Variants in UNC13C observed in about 807,000 individuals in gnomAD.
UNC13C encodes unc-13 homolog C, also known as protein unc-13 homolog C.
UNC13C carries 174 observed loss-of-function variants against 245.4 expected under a neutral mutation model. The ratio of observed to expected loss-of-function variants is 0.71; its 90% confidence interval spans 0.63 to 0.80. The LOEUF is 0.80. UNC13C is among the 30% of genes least tolerant of loss of function. UNC13C has a pLI of 0.00. For missense variants in UNC13C, 2,829 were observed against 2,602.9 expected (o/e 1.09, Z -1.89); for synonymous variants, 992 against 895.1 (o/e 1.11, Z -1.93).
At chr15:54,142,073 A>G (rs2032048632) in intron 2 of UNC13C, among the ~76,000 whole-genome samples, 1 of 152,202 alleles carries the variant, frequency 6.6e-6, no homozygotes, top group African/African-American at 2.4e-5. Flanking sequence ...AAGTTTCTCC[A>G]GTTTTATGCT....
chr15:54,331,873 C>T (rs1017567266), intron 14 of UNC13C, among the ~76,000 whole-genome samples, 170 bp from the exon 15 acceptor site: 4 of 151,982 alleles, frequency 2.6e-5, no homozygotes, highest in Non-Finnish European at 5.9e-5. Context: ...GTCAAAGAGA[C>T]CTGAGTTTGA....
intron 30 of UNC13C, among the ~76,000 whole-genome samples, chr15:54,603,796 G>C (rs1426791130): frequency 1.3e-5 from 2 of 152,168 alleles, no homozygotes; most frequent in Non-Finnish European, 2.9e-5. Flanking sequence ...ACGGGAGGCA[G>C]ATATTGCAGT....
At chr15:54,491,402 A>C (rs1428787582) in intron 19 of UNC13C, among the ~76,000 whole-genome samples, 1 of 152,202 alleles carries the variant, frequency 6.6e-6, no homozygotes, top group Admixed American at 6.5e-5. Flanking sequence ...TGTACGTAAT[A>C]GCAGTTATAT....
rs540078860 is a variant in UNC13C, at chr15:54,507,519, T to C, written c.5379+325T>C. Among the ~76,000 whole-genome samples the C allele has an allele frequency of 9.9e-5, 15 of 152,262 alleles. No individual in the cohort carries two copies. In the South Asian group the frequency reaches 3.1e-3, roughly 32 times the overall value. On this transcript the variant is annotated intron_variant, in intron 23 of 32. Transcript: ENST00000260323. ...AAGGGACTTAAAAATTAGATGAGTA[T>C]TGGCACCAACTAGTTTCATTTTGGC...
upstream of UNC13C, among the ~76,000 whole-genome samples, chr15:53,975,882 C>T (rs2140938847): frequency 6.6e-6 from 1 of 152,264 alleles, no homozygotes; most frequent in South Asian, 2.1e-4. Flanking sequence ...GAGGCATGTA[C>T]CTATGGATGG....
At chr15:53,975,252 C>G (rs1253624943), upstream of UNC13C, among the ~76,000 whole-genome samples, 2 of 152,220 alleles carry the variant, frequency 1.3e-5, no homozygotes, top group South Asian at 4.1e-4. Context: ...GCACATCTTT[C>G]CAAATTGCAT....
downstream of UNC13C, chr15:54,629,317 T>C (rs1355750643): frequency 6.6e-6 from 1 of 152,058 alleles, no homozygotes; most frequent in Non-Finnish European, 1.5e-5. Flanking sequence ...TAAGAAAAAG[T>C]ATCTGTCACG....
At chr15:53,998,385 T>A (rs766861883) in intron 1 of UNC13C, among the ~76,000 whole-genome samples, 2 of 152,158 alleles carry the variant, frequency 1.3e-5, no homozygotes, top group Non-Finnish European at 2.9e-5. Context: ...TTTTATGATT[T>A]TGATGTTATA....
rs148228773 is a variant in UNC13C, at chr15:54,035,914, T to C, written c.2983+20028T>C. 2.5e-3 allele frequency among the ~76,000 whole-genome samples: 374 copies of C among 152,184 alleles called. 2 individuals are homozygous for C. Among genetic ancestry groups the C allele is most frequent in the African/African-American group, 8.7e-3 (360 of 41,534 alleles). On this transcript the variant is annotated intron_variant, in intron 2 of 32. Coordinates refer to ENST00000260323, the MANE Select transcript of UNC13C (RefSeq NM_001080534.3). The stretch of plus-strand genomic sequence containing the variant: ...TTGGATGCCAGAAAGATAGAGAAGA[T>C]GAAGATATGGTCATACATTTCTGTC...
chr15:53,928,104 G>A, the UNC13C span, among the ~76,000 whole-genome samples: 31 of 145,118 alleles, frequency 2.1e-4, no homozygotes, highest in East Asian at 2.2e-3. Context: ...AGTGGCGCTA[G>A]AGGAATTAAA....
chr15:53,865,296 C>G, the UNC13C span, among the ~76,000 whole-genome samples: 2 of 152,268 alleles, frequency 1.3e-5, no homozygotes, highest in Middle Eastern at 3.4e-3. Context: ...TGACAGAATA[C>G]AGACAGGGAG....
chr15:53,925,839 G>A, the UNC13C span, among the ~76,000 whole-genome samples: 11 of 152,238 alleles, frequency 7.2e-5, no homozygotes, highest in South Asian at 2.1e-4. Context: ...GTGAATGATC[G>A]CCATGCCTGA....
intron 10 of UNC13C, among the ~76,000 whole-genome samples, chr15:54,274,145 G>T (rs2036767667): frequency 6.6e-6 from 1 of 152,124 alleles, no homozygotes; most frequent in South Asian, 2.1e-4. Flanking sequence ...CAGTCCTAGG[G>T]AGGTAGGGGA....
intron 4 of UNC13C, among the ~76,000 whole-genome samples, chr15:54,189,187 C>T (rs967456558): frequency 1.3e-5 from 2 of 152,244 alleles, no homozygotes; most frequent in East Asian, 3.9e-4. Context: ...CTTTGTCCCA[C>T]AGGTCAGCGT....
At chr15:53,874,310 A>G in the UNC13C span, among the ~76,000 whole-genome samples, 1 of 152,198 alleles carries the variant, frequency 6.6e-6, no homozygotes, top group Non-Finnish European at 1.5e-5. Context: ...AACCCAATGC[A>G]ATGTGCATAA....
chr15:54,278,312 A>G (rs1460897254), intron 10 of UNC13C, among the ~76,000 whole-genome samples: 2 of 152,040 alleles, frequency 1.3e-5, no homozygotes, highest in East Asian at 1.9e-4. Context: ...ACTGCTCCCT[A>G]CTTTAGAGTC....
intron 19 of UNC13C, among the ~76,000 whole-genome samples, chr15:54,487,697 G>T (rs1893484977): frequency 6.6e-6 from 1 of 150,642 alleles, no homozygotes. Context: ...ACCTCAGGAG[G>T]TGGAGGTTGC....
chr15:53,956,905 T>TGTGTGTGTGTGTGTGTGTGTGC, the UNC13C span, among the ~76,000 whole-genome samples: 1 of 151,392 alleles, frequency 6.6e-6, no homozygotes, highest in East Asian at 1.9e-4. Flanking sequence ...TGTGTGTGTG[T>TGTGTGTGTGTGTGTGTGTGTGC]GCATGCACAC....
Position 54,297,803 on chromosome 15 carries a change from T to A in UNC13C, c.3989-8T>A. On this transcript the variant is annotated splice_polypyrimidine_tract_variant and splice_region_variant and intron_variant, in intron 11 of 32. Coordinates refer to ENST00000260323, the MANE Select transcript of UNC13C (RefSeq NM_001080534.3). The stretch of plus-strand genomic sequence containing the variant: ...CATGACTGACCAATTGCCTTTTTGC[T>A]TTATCAGAGAAAAGGACAGATAAGT... 1 of 1,591,686 alleles carries A rather than the reference T, an allele frequency of 6.3e-7. No homozygotes were observed. Among genetic ancestry groups the A allele is most frequent in the Non-Finnish European group, 8.6e-7 (1 of 1,164,970 alleles).
Sources: allele counts gnomAD v4.1 joint callset (sites outside exome capture counted in the v4.1 genomes callset), GRCh38; gene constraint gnomAD v4.1.1; transcripts MANE v1.5; gene names NCBI Gene and HGNC (gene_info 2026-07-23, HGNC 2026-07-21).